The following PYGB variants were observed in gnomAD, a reference collection of about 807,000 sequenced individuals.
PYGB encodes the protein glycogen phosphorylase B.
PYGB carries 82 observed loss-of-function variants against 94.3 expected under a neutral mutation model. The ratio of observed to expected loss-of-function variants is 0.87; its 90% CI spans 0.73 to 1.04. The LOEUF (loss-of-function observed/expected upper bound fraction) is 1.04. Ranked by LOEUF, PYGB falls within the 50% of genes least tolerant of loss-of-function variation. PYGB has a pLI of 0.00. For missense variants in PYGB, 1,132 were observed against 1,158.2 expected, an observed-to-expected ratio of 0.98 and a Z score of 0.33; for synonymous variants, 488 against 479.1, an observed-to-expected ratio of 1.02 and a Z score of -0.24.
At chr20:25,267,685 C>T (rs556872200) in intron 2 of PYGB, among the ~76,000 whole-genome samples, 6 of 152,254 alleles carry the variant, frequency 3.9e-5, no homozygotes, top group East Asian at 3.9e-4. Context: ...CGTGCACCAC[C>T]GTACCCAGCT....
chr20:25,297,907 C>T lies in PYGB; in HGVS notation c.*1385C>T, dbSNP rs529313893. 1 of 152,426 alleles carries T rather than the reference C, an allele frequency of 6.6e-6. No homozygotes were observed. Among genetic ancestry groups the T allele is most frequent in the East Asian group, 1.9e-4 (1 of 5,182 alleles). 9.4% of individuals were successfully genotyped at this position (152,426 alleles called of 1,614,324 possible). A position where few individuals can be genotyped will look rare whatever the true frequency, so the allele number is the denominator to read the frequency against. On this transcript the variant is annotated 3_prime_UTR_variant, in exon 20 of 20. Transcript: ENST00000216962. ...CGGCTCTGTGGAGGAGGCCATACTC[C>T]CCTAGTTGGCCACTGGGGCCACCAC...
Position 25,279,132 on chromosome 20 carries a change from A to G in PYGB, c.1075A>G (p.Lys359Glu). ...ELMRILVDVE[K>E]VDWDKAWEIT... ...CATGCGGATCCTGGTGGACGTGGAGAAGGTGGACTGGGACAAGGTGAGCAT... is the reference window on the plus strand; with the variant it reads ...CATGCGGATCCTGGTGGACGTGGAGGAGGTGGACTGGGACAAGGTGAGCAT... The change falls in exon 9 of 20, where the codon AAG (lysine) becomes GAG (glutamate). Residue 359 changes from lysine to glutamate, a missense_variant. Physicochemically the swap from Lys to Glu is moderately conservative, Grantham distance 56 (BLOSUM62 1). Coordinates refer to ENST00000216962, the MANE Select transcript of PYGB (RefSeq NM_002862.4). 6.2e-7 allele frequency: 1 copy of G among 1,613,726 alleles called. No individual in the cohort carries two copies. Among genetic ancestry groups the G allele is most frequent in the Non-Finnish European group, 8.5e-7 (1 of 1,179,808 alleles).
chr20:25,280,823 C>T (rs1482207645), intron 10 of PYGB, 126 bp from the exon 11 acceptor site: 35 of 1,296,436 alleles, frequency 2.7e-5, no homozygotes, highest in Non-Finnish European at 3.6e-5. Flanking sequence ...GTCACAGCCC[C>T]AGAACTTCCC....
intron 1 of PYGB, among the ~76,000 whole-genome samples, chr20:25,249,237 T>G (rs2092880628): frequency 6.6e-6 from 1 of 152,208 alleles, no homozygotes; most frequent in Admixed American, 6.5e-5. Context: ...CACATACAGT[T>G]TTTTAGATTT....
At chr20:25,255,501 C>T (rs1027267267) in intron 1 of PYGB, among the ~76,000 whole-genome samples, 12 of 152,342 alleles carry the variant, frequency 7.9e-5, no homozygotes, top group Middle Eastern at 3.4e-3. Context: ...CTTATCAGGG[C>T]CAGCTCTGTC....
intron 1 of PYGB, among the ~76,000 whole-genome samples, chr20:25,258,664 G>A (rs906456939): frequency 6.6e-6 from 1 of 152,238 alleles, no homozygotes; most frequent in Non-Finnish European, 1.5e-5. Context: ...CATAGAGCTG[G>A]CTCATGTGGC....
chr20:25,254,685 G>T (rs2180597), intron 1 of PYGB, among the ~76,000 whole-genome samples: 9,907 of 152,246 alleles, frequency 0.065, 999 homozygotes, highest in African/African-American at 0.22. Flanking sequence ...AGCTCACTAG[G>T]TATAAATATA....
Position 25,290,514 on chromosome 20 carries a change from A to G in PYGB, c.1861A>G (p.Ile621Val). ...CGGTTACCACATGGCCAAGCTGATC[A>G]TCAAGTTGGTCACCTCCATCGGCGA... Reference protein sequence around the residue: ...APGYHMAKLIIKLVTSIGDVV... With the variant: ...APGYHMAKLIVKLVTSIGDVV... Residue 621 changes from isoleucine to valine, a missense_variant, in exon 16 of 20, where the codon ATC (isoleucine) becomes GTC (valine). Ile to Val is a conservative substitution (Grantham distance 29). Transcript: ENST00000216962. 6.2e-7 allele frequency: 1 copy of G among 1,611,352 alleles called. No individual in the cohort carries two copies.
At chr20:25,296,044 G>A (rs2258769) in intron 19 of PYGB, among the ~76,000 whole-genome samples, 1 of 151,954 alleles carries the variant, frequency 6.6e-6, no homozygotes, top group African/African-American at 2.4e-5. Flanking sequence ...GACTGCCTGG[G>A]CATGTCCCCT....
At chr20:25,287,528 A>G (rs770111643) in intron 14 of PYGB, among the ~76,000 whole-genome samples, 5 of 152,194 alleles carry the variant, frequency 3.3e-5, no homozygotes, top group Non-Finnish European at 2.9e-5. Flanking sequence ...CGGTGCCTGT[A>G]GTCGCATCTA....
chr20:25,254,162 C>G (rs1219743488), intron 1 of PYGB, among the ~76,000 whole-genome samples: 3 of 152,116 alleles, frequency 2.0e-5, no homozygotes, highest in East Asian at 3.9e-4. Context: ...GGAAGCTCTC[C>G]TACACACCCA....
chr20:25,280,162 C>T (rs2088352570), intron 9 of PYGB, 104 bp from the exon 10 acceptor site: 1 of 1,403,544 alleles, frequency 7.1e-7, no homozygotes, highest in Non-Finnish European at 9.8e-7. Flanking sequence ...TCCTGGGGTA[C>T]CCAGCATCTG....
chr20:25,263,545 A>G (rs1307475597), intron 2 of PYGB, among the ~76,000 whole-genome samples: 1 of 152,216 alleles, frequency 6.6e-6, no homozygotes, highest in Non-Finnish European at 1.5e-5. Flanking sequence ...AAGACTAATA[A>G]AGAGGAAAAG....
intron 2 of PYGB, among the ~76,000 whole-genome samples, chr20:25,260,820 G>A (rs369486752): frequency 1.1e-4 from 17 of 152,220 alleles, no homozygotes; most frequent in East Asian, 1.9e-4. Flanking sequence ...AACGGCACAC[G>A]AGGAAATTAT....
At chr20:25,288,349 C>G in intron 14 of PYGB, 76 bp from the exon 15 acceptor site, 1 of 1,534,934 alleles carries the variant, frequency 6.5e-7, no homozygotes, top group Non-Finnish European at 9.0e-7. Flanking sequence ...GGGTCGGCCT[C>G]TGATGCTGCT....
chr20:25,278,607 C>G (rs2123566818), intron 8 of PYGB, 145 bp downstream of exon 8: 5 of 1,184,978 alleles, frequency 4.2e-6, no homozygotes, highest in Non-Finnish European at 5.8e-6. Flanking sequence ...GGGCCAGGAT[C>G]CCACCTGGGC....
chr20:25,291,650 TCTC>T (rs1352779433), intron 16 of PYGB, among the ~76,000 whole-genome samples: 1 of 151,850 alleles, frequency 6.6e-6, no homozygotes, highest in East Asian at 1.9e-4. Context: ...GACCGAAGCA[TCTC>T]CTCTCCCCCG....
At position 25,297,814 on chromosome 20, in the gene PYGB, A is replaced by T. The variant is rs545321271; in HGVS notation, c.*1292A>T. The T allele has an allele frequency of 7.1e-6, 1 of 141,606 alleles. No homozygotes were observed. The highest frequency in any genetic ancestry group is 2.5e-5 in the African/African-American group (1 of 39,930). The allele number at this position is 141,606 out of a possible 1,614,324, so 8.8% of individuals were successfully genotyped here. On this transcript the variant is annotated 3_prime_UTR_variant, in exon 20 of 20. Transcript: ENST00000216962. ...ACGGTGCACAGCCCACCAGAGCACT[A>T]CAGCCTTTTATTGAGTGGGGCAAGT...
intron 1 of PYGB, among the ~76,000 whole-genome samples, chr20:25,258,217 C>A (rs888916168): frequency 2.0e-5 from 3 of 152,122 alleles, no homozygotes; most frequent in African/African-American, 7.2e-5. Flanking sequence ...ACTTTATGGA[C>A]CTCACCGACG....
Sources: allele counts gnomAD v4.1 joint callset (sites outside exome capture counted in the v4.1 genomes callset), GRCh38; gene constraint gnomAD v4.1.1; transcripts MANE v1.5; gene names NCBI Gene and HGNC (gene_info 2026-07-23, HGNC 2026-07-21).